The following RFX3 variants were observed in gnomAD, a reference collection of about 807,000 sequenced individuals.
RFX3 encodes the protein regulatory factor X3, also known as transcription factor RFX3.
In RFX3, 14 loss-of-function variants were observed where a neutral mutation model predicts 98.6. The observed-to-expected ratio is 0.14, with a 90% CI of 0.09 to 0.22. The LOEUF (loss-of-function observed/expected upper bound fraction) is 0.22. Ranked by LOEUF, RFX3 falls within the 10% of genes least tolerant of loss-of-function variation. The probability of loss-of-function intolerance (pLI) is 1.00; values close to 1 mark genes in which losing one functional copy is unlikely to be tolerated. For missense variants in RFX3, 639 were observed against 926.9 expected, an observed-to-expected ratio of 0.69 and a Z score of 4.03; for synonymous variants, 383 against 328.4, an observed-to-expected ratio of 1.17 and a Z score of -1.80.
At chr9:3,295,456 A>G (rs1827878696) in intron 5 of RFX3, among the ~76,000 whole-genome samples, 1 of 152,062 alleles carries the variant, frequency 6.6e-6, no homozygotes, top group Non-Finnish European at 1.5e-5. Context: ...GGCAGTCTTA[A>G]TATATTAAAG....
chr9:3,493,872 T>C (rs944930843), intron 1 of RFX3, among the ~76,000 whole-genome samples: 1 of 151,838 alleles, frequency 6.6e-6, no homozygotes, highest in South Asian at 2.1e-4. Flanking sequence ...CTTGCCTCTA[T>C]GCCATTGTAT....
chr9:3,448,113 T>A (rs1846210952), intron 1 of RFX3, among the ~76,000 whole-genome samples: 1 of 152,118 alleles, frequency 6.6e-6, no homozygotes, highest in African/African-American at 2.4e-5. Flanking sequence ...ACTACAGACA[T>A]ATAATTAATT....
chr9:3,320,076 C>T (rs1327930280), intron 4 of RFX3, among the ~76,000 whole-genome samples: 3 of 152,130 alleles, frequency 2.0e-5, no homozygotes, highest in Non-Finnish European at 4.4e-5. Context: ...AATATTAATA[C>T]TGGGCACATA....
chr9:3,226,362 C>T (rs757308565), intron 16 of RFX3, among the ~76,000 whole-genome samples: 1 of 152,182 alleles, frequency 6.6e-6, no homozygotes, highest in Non-Finnish European at 1.5e-5. Context: ...GGCCCCTTGA[C>T]TTTTCTTATT....
chr9:3,463,669 C>T (rs941800918), intron 1 of RFX3, among the ~76,000 whole-genome samples: 1 of 152,140 alleles, frequency 6.6e-6, no homozygotes. Context: ...AAACAAAGAA[C>T]TGTTTTTTTT....
At chr9:3,500,045 A>C (rs1235932392) in intron 1 of RFX3, among the ~76,000 whole-genome samples, 3 of 152,174 alleles carry the variant, frequency 2.0e-5, no homozygotes, top group Non-Finnish European at 4.4e-5. Context: ...TACAGGAAGC[A>C]GAGTAAAAGA....
chr9:3,522,790 G>A (rs577077341), intron 1 of RFX3, among the ~76,000 whole-genome samples: 12 of 152,142 alleles, frequency 7.9e-5, no homozygotes, highest in African/African-American at 2.9e-4. Flanking sequence ...TTTAAACGAC[G>A]CATAAAATCC....
chr9:3,276,390 C>T (rs1425943644), intron 8 of RFX3, among the ~76,000 whole-genome samples: 2 of 152,020 alleles, frequency 1.3e-5, no homozygotes, highest in Non-Finnish European at 2.9e-5. Flanking sequence ...CATTTTGGTG[C>T]CTGTCTTACC....
chr9:3,346,556 G>A (rs1834460934), intron 3 of RFX3, 111 bp downstream of exon 3: 1 of 710,998 alleles, frequency 1.4e-6, no homozygotes, highest in African/African-American at 1.7e-5. Context: ...TGTTCTAGTA[G>A]AAAATTACTT....
intron 2 of RFX3, among the ~76,000 whole-genome samples, chr9:3,379,433 AT>A (rs1838929983): frequency 6.6e-6 from 1 of 152,082 alleles, no homozygotes; most frequent in South Asian, 2.1e-4. Context: ...TTTTTATTCA[AT>A]TTGCCTGTGA....
intron 1 of RFX3, among the ~76,000 whole-genome samples, chr9:3,476,303 C>T (rs943903106): frequency 2.0e-5 from 3 of 151,848 alleles, no homozygotes; most frequent in Admixed American, 6.6e-5. Context: ...TCTCTTGCCT[C>T]GGCATCTGGA....
intron 1 of RFX3, among the ~76,000 whole-genome samples, chr9:3,465,025 T>C (rs547494408): frequency 5.3e-5 from 8 of 152,328 alleles, no homozygotes; most frequent in Non-Finnish European, 5.9e-5. Context: ...TATTGATATA[T>C]AAGGACCTGT....
intron 1 of RFX3, among the ~76,000 whole-genome samples, chr9:3,433,308 CCTT>C (rs1298144022): frequency 6.6e-6 from 1 of 152,122 alleles, no homozygotes; most frequent in Non-Finnish European, 1.5e-5. Flanking sequence ...TACTCTTCCT[CCTT>C]CTCATCCTAC....
intron 1 of RFX3, among the ~76,000 whole-genome samples, chr9:3,413,410 T>G (rs1842629482): frequency 6.6e-6 from 1 of 152,100 alleles, no homozygotes; most frequent in South Asian, 2.1e-4. Context: ...GTTTAATATT[T>G]TAGGAACATC....
chr9:3,330,641 C>A, intron 3 of RFX3, 124 bp from the exon 4 acceptor site: 2 of 840,082 alleles, frequency 2.4e-6, no homozygotes, highest in South Asian at 1.8e-5. Flanking sequence ...GCAAGTTTCG[C>A]ATTTTGTACA....
intron 1 of RFX3, among the ~76,000 whole-genome samples, chr9:3,403,179 T>G (rs36062993): frequency 0.066 from 10,016 of 152,120 alleles, 321 homozygotes; most frequent in Middle Eastern, 0.095. Flanking sequence ...CTTCACCCAG[T>G]ACAAATGAAA....
intron 1 of RFX3, among the ~76,000 whole-genome samples, chr9:3,460,231 T>C (rs1289545114): frequency 1.3e-5 from 2 of 151,980 alleles, no homozygotes; most frequent in Non-Finnish European, 2.9e-5. Flanking sequence ...AAAAGTTACA[T>C]AACAGGTACT....
chr9:3,264,577 T>C (rs1162108383), intron 12 of RFX3, among the ~76,000 whole-genome samples: 4 of 152,338 alleles, frequency 2.6e-5, no homozygotes, highest in East Asian at 1.9e-4. Flanking sequence ...ACATATATTA[T>C]CTTATTCAAG....
chr9:3,510,976 A>G (rs1817614912), intron 1 of RFX3, among the ~76,000 whole-genome samples: 2 of 151,860 alleles, frequency 1.3e-5, no homozygotes, highest in South Asian at 4.1e-4. Flanking sequence ...TCATTTAATT[A>G]GTGTATCACT....
Sources: gnomAD v4.1 joint callset for allele counts (sites outside exome capture counted in the v4.1 genomes callset) on GRCh38, gnomAD v4.1.1 for gene constraint, MANE v1.5 for transcripts, NCBI Gene and HGNC (gene_info 2026-07-23, HGNC 2026-07-21) for gene names.